Variants in SFMBT2 observed in about 807,000 individuals in gnomAD.
SFMBT2 encodes the protein scm-like with four MBT domains protein 2.
SFMBT2 carries 38 observed loss-of-function variants against 110.1 expected under a neutral mutation model. That is an observed-to-expected ratio of 0.35 (90% CI 0.27 to 0.45). The LOEUF is 0.45. Ranked by LOEUF, SFMBT2 falls within the 20% of genes least tolerant of loss-of-function variation. The pLI, the probability that SFMBT2 is intolerant of heterozygous loss-of-function variation, is 1.00. For synonymous variants in SFMBT2, 425 were observed against 425.4 expected, an observed-to-expected ratio of 1.00 and a Z score of 0.01; for missense variants, 1,011 against 1,094.9, an observed-to-expected ratio of 0.92 and a Z score of 1.08.
chr10:7,330,631 G>A (rs998741925), intron 4 of SFMBT2, among the ~76,000 whole-genome samples: 2 of 152,134 alleles, frequency 1.3e-5, no homozygotes, highest in Non-Finnish European at 2.9e-5. Flanking sequence ...CTTAGCTAAA[G>A]CAGTTCCAGC....
Position 7,348,399 on chromosome 10 carries a change from T to G in SFMBT2, c.436+19250A>C, listed in dbSNP as rs183694408. On this transcript the variant is annotated intron_variant, in intron 4 of 20. Coordinates refer to ENST00000397167, the MANE Select transcript of SFMBT2 (RefSeq NM_001387889.1). The stretch of plus-strand genomic sequence containing the variant: ...TTGCTCCTATAATCCATGATGGGCT[T>G]TGGGGGGCTCTTCATAACTACTGTG... 1,965 of 1,346,710 alleles carry G rather than the reference T, an allele frequency of 1.5e-3. 1 individual carries two copies. The highest frequency in any genetic ancestry group is 1.8e-3 in the Non-Finnish European group (1,863 of 1,021,028). The allele number at this position is 1,346,710 out of a possible 1,614,324, so 83.4% of individuals were successfully genotyped here. A position where few individuals can be genotyped will look rare whatever the true frequency, so the allele number is the denominator to read the frequency against.
chr10:7,224,598 C>T (rs954146000), intron 10 of SFMBT2, among the ~76,000 whole-genome samples: 4 of 152,170 alleles, frequency 2.6e-5, no homozygotes, highest in African/African-American at 7.2e-5. Context: ...TGTTCTCCTG[C>T]CTCCTTTTGC....
Position 7,384,166 on chromosome 10 carries a change from G to A in SFMBT2, c.-51-2217C>T, listed in dbSNP as rs185366404. On this transcript the variant is annotated intron_variant, in intron 1 of 20. Coordinates refer to ENST00000397167, the MANE Select transcript of SFMBT2 (RefSeq NM_001387889.1). ...GCGGAGGTTGTGGTGAGCTGAGATC[G>A]CGCCATTGCTCTCCAGCCTAGGCAA... 3.0e-4 allele frequency among the ~76,000 whole-genome samples: 38 copies of A among 127,690 alleles called. No individual in the cohort carries two copies. In the South Asian group the frequency reaches 7.1e-3, roughly 24 times the overall value. 83.8% of individuals were successfully genotyped at this position (127,690 alleles called of 152,430 possible). A position where few individuals can be genotyped will look rare whatever the true frequency, so the allele number is the denominator to read the frequency against.
At chr10:7,394,317 G>A (rs574416278) in intron 1 of SFMBT2, among the ~76,000 whole-genome samples, 10 of 151,830 alleles carry the variant, frequency 6.6e-5, no homozygotes, top group East Asian at 1.9e-4. Context: ...CCTGTGCGTC[G>A]ATGCCCACCC....
chr10:7,164,175 C>A, intron 20 of SFMBT2: 4 of 944,568 alleles, frequency 4.2e-6, no homozygotes, highest in Non-Finnish European at 5.0e-6. Context: ...TCGCTTGAGA[C>A]CAGGAGTTTG....
At chr10:7,282,495 C>CA (rs2131838452) in intron 6 of SFMBT2, among the ~76,000 whole-genome samples, 1 of 152,340 alleles carries the variant, frequency 6.6e-6, no homozygotes, top group South Asian at 2.1e-4. Context: ...TTATGAATCC[C>CA]AGGGCAAACC....
chr10:7,337,028 A>C (rs994255192), intron 4 of SFMBT2, among the ~76,000 whole-genome samples: 1 of 152,214 alleles, frequency 6.6e-6, no homozygotes, highest in Non-Finnish European at 1.5e-5. Context: ...CAATGAAAAG[A>C]ATAAAATAGC....
intron 4 of SFMBT2, among the ~76,000 whole-genome samples, chr10:7,306,305 G>C (rs964326147): frequency 3.9e-5 from 6 of 152,238 alleles, no homozygotes; most frequent in African/African-American, 1.4e-4. Context: ...CAGAAGCCAA[G>C]AGTGTTTTTC....
Position 7,197,701 on chromosome 10 carries a change from C to A in SFMBT2, c.1559-14G>T. 1 of 1,612,642 alleles carries A rather than the reference C, an allele frequency of 6.2e-7. No homozygotes were observed. The highest frequency in any genetic ancestry group is 8.5e-7 in the Non-Finnish European group (1 of 1,179,470). ...CGTTGACGGTTCCTGCAGGGGACAG[C>A]AACATAGTCCATGCTTAGGACCACA... On this transcript the variant is annotated splice_polypyrimidine_tract_variant and intron_variant, in intron 14 of 20. Transcript: ENST00000397167.
chr10:7,343,993 T>C (rs183191929), intron 4 of SFMBT2, among the ~76,000 whole-genome samples: 1 of 152,296 alleles, frequency 6.6e-6, no homozygotes, highest in East Asian at 1.9e-4. Flanking sequence ...GGCCCAAAGA[T>C]CATAGGCCAA....
rs200717836 is a variant in SFMBT2 at position 7,197,575 on chromosome 10, C to G, written c.1671G>C (p.Pro557=). The change falls in exon 15 of 21, where the codon CCG becomes CCC. Residue 557 remains proline, a synonymous_variant. Transcript: ENST00000397167. ...RIAELPQSVG[P]GKCVLVLKEV... ...CTTTAAGAACCAGCACGCATTTGCCCGGTCCCACCGACTGAGGTAGCTCTG... is the reference window on the plus strand; with the variant it reads ...CTTTAAGAACCAGCACGCATTTGCCGGGTCCCACCGACTGAGGTAGCTCTG... 35 of 1,614,124 alleles carry G rather than the reference C, an allele frequency of 2.2e-5. No individual in the cohort carries two copies. The highest frequency in any genetic ancestry group is 1.6e-4 in the Middle Eastern group (1 of 6,062).
chr10:7,357,169 C>T (rs761443438), intron 4 of SFMBT2, among the ~76,000 whole-genome samples: 3 of 152,138 alleles, frequency 2.0e-5, no homozygotes, highest in African/African-American at 4.8e-5. Context: ...ATTAAGATGA[C>T]GCCAGGGGAG....
rs952475696 is a variant in SFMBT2, at chr10:7,367,155, C to T, written c.436+494G>A. ...GCTTGACACCCTGACAGTCTCCCAACAAGACAGATGAAAAGTTATTAGAGA... is the reference window on the plus strand; with the variant it reads ...GCTTGACACCCTGACAGTCTCCCAATAAGACAGATGAAAAGTTATTAGAGA... On this transcript the variant is annotated intron_variant, in intron 4 of 20. Coordinates refer to ENST00000397167, the MANE Select transcript of SFMBT2 (RefSeq NM_001387889.1). The surrounding 1 kb of genome is among the most constrained non-coding windows in gnomAD (Gnocchi z 6.2). Among the ~76,000 whole-genome samples, 13 of 151,794 alleles carry T rather than the reference C, an allele frequency of 8.6e-5. No individual in the cohort carries two copies. Among genetic ancestry groups the T allele is most frequent in the African/African-American group, 2.7e-4 (11 of 41,306 alleles).
chr10:7,375,390 C>T (rs7069650), intron 2 of SFMBT2, among the ~76,000 whole-genome samples: 4,645 of 152,180 alleles, frequency 0.031, 218 homozygotes, highest in African/African-American at 0.11. Context: ...GTGCCCACTA[C>T]ACCAATAAAG....
At chr10:7,164,721 G>A (rs1335352233) in intron 20 of SFMBT2, among the ~76,000 whole-genome samples, 1 of 149,876 alleles carries the variant, frequency 6.7e-6, no homozygotes, top group Admixed American at 6.7e-5. Context: ...ATATGCCAAC[G>A]ACAGCACAGG....
At chr10:7,385,703 G>A (rs976527311) in intron 1 of SFMBT2, among the ~76,000 whole-genome samples, 5 of 152,242 alleles carry the variant, frequency 3.3e-5, no homozygotes, top group South Asian at 2.1e-4. Flanking sequence ...ATTCCAGTAC[G>A]AAAGCCCCTC....
At chr10:7,282,703 G>A (rs77994624) in intron 6 of SFMBT2, among the ~76,000 whole-genome samples, 1,668 of 152,304 alleles carry the variant, frequency 0.011, 58 homozygotes, top group East Asian at 0.11. Flanking sequence ...GGACCAGGAA[G>A]TGTTTTCAAT....
chr10:7,300,632 C>T (rs760414328), intron 4 of SFMBT2, among the ~76,000 whole-genome samples: 41 of 152,214 alleles, frequency 2.7e-4, no homozygotes, highest in African/African-American at 8.4e-4. Flanking sequence ...TGTTCCCTAC[C>T]GCTTCTGACA....
chr10:7,251,433 C>G (rs938159487), intron 7 of SFMBT2, among the ~76,000 whole-genome samples: 11 of 152,154 alleles, frequency 7.2e-5, no homozygotes, highest in African/African-American at 2.7e-4. Flanking sequence ...GAGATCACAC[C>G]ATTGCACTCC....
Sources: allele counts gnomAD v4.1 joint callset (sites outside exome capture counted in the v4.1 genomes callset), GRCh38; gene constraint gnomAD v4.1.1; non-coding constraint Gnocchi (gnomAD v3.1); transcripts MANE v1.5; gene names NCBI Gene and HGNC (gene_info 2026-07-23, HGNC 2026-07-21).